ABLIM2: variants seen among roughly 807,000 people sequenced by gnomAD.
ABLIM2 encodes actin binding LIM protein family member 2.
A neutral mutation model predicts 97.7 loss-of-function variants in ABLIM2; 53 were observed. That is an observed-to-expected ratio of 0.54 (90% CI 0.44 to 0.68). ABLIM2 has a LOEUF of 0.68. Among genes scored for constraint, ABLIM2 ranks in the 30% least tolerant of loss-of-function variants. The probability of loss-of-function intolerance (pLI) is 0.00; values close to 1 mark genes in which losing one functional copy is unlikely to be tolerated. For missense variants in ABLIM2, 835 were observed against 867.2 expected, an observed-to-expected ratio of 0.96 and a Z score of 0.47; for synonymous variants, 361 against 345.8, an observed-to-expected ratio of 1.04 and a Z score of -0.49.
rs1450361477 is a variant in ABLIM2 at position 7,970,215 on chromosome 4, A to C, written c.1825-3112T>G. Among the ~76,000 whole-genome samples, 1 of 152,040 alleles carries C rather than the reference A, an allele frequency of 6.6e-6. No homozygotes were observed. ...GAACTGACACGTAAGTAAATATGTAAAGGAGGGGAGGCTGACACCGGAAGG... is the reference window on the plus strand; with the variant it reads ...GAACTGACACGTAAGTAAATATGTACAGGAGGGGAGGCTGACACCGGAAGG... On this transcript the variant is annotated intron_variant, in intron 20 of 20. Transcript: ENST00000447017. The surrounding 1 kb of genome is among the most constrained non-coding windows in gnomAD (Gnocchi z 5.3).
intron 20 of ABLIM2, among the ~76,000 whole-genome samples, chr4:7,967,647 G>A (rs1048151687): frequency 6.6e-6 from 1 of 152,240 alleles, no homozygotes; most frequent in Non-Finnish European, 1.5e-5. Context: ...AAGCGTGAGA[G>A]AGCTGTTGTG....
chr4:8,031,496 A>G (rs1042851829), intron 10 of ABLIM2, among the ~76,000 whole-genome samples: 2 of 152,334 alleles, frequency 1.3e-5, no homozygotes, highest in East Asian at 1.9e-4. Context: ...CCCAGGTACC[A>G]TGGCCGTCAC....
chr4:8,119,373 G>T (rs1186221237), intron 1 of ABLIM2, among the ~76,000 whole-genome samples: 1 of 148,724 alleles, frequency 6.7e-6, no homozygotes, highest in African/African-American at 2.5e-5. Context: ...TGTTGCCCAG[G>T]CTGGAGTGCA....
chr4:8,024,268 C>T (rs1303412525), intron 12 of ABLIM2, among the ~76,000 whole-genome samples: 1 of 152,204 alleles, frequency 6.6e-6, no homozygotes, highest in African/African-American at 2.4e-5. Context: ...CCTGCACTTC[C>T]TGCCCCCGCT....
At chr4:7,980,196 C>T (rs542322829) in intron 20 of ABLIM2, among the ~76,000 whole-genome samples, 1 of 152,114 alleles carries the variant, frequency 6.6e-6, no homozygotes, top group Non-Finnish European at 1.5e-5. Context: ...TAGTTCAGGC[C>T]ATGAAGGGAA....
chr4:8,079,434 G>A (rs948200139), intron 5 of ABLIM2, among the ~76,000 whole-genome samples: 2 of 152,184 alleles, frequency 1.3e-5, no homozygotes, highest in Non-Finnish European at 2.9e-5. Context: ...TTATATTAAA[G>A]TGCTGCGTGC....
rs1824146550 is a variant in ABLIM2 at position 8,087,046 on chromosome 4, C to A, written c.454+1123G>T. On this transcript the variant is annotated intron_variant, in intron 4 of 20. Transcript: ENST00000447017. The surrounding 1 kb of genome is among the most constrained non-coding windows in gnomAD (Gnocchi z 4.6). ...GGGGAGGCTGGAAGTGGAATCGCCT[C>A]TGTAGAGACTCTCAACGCAGCAGAC... Among the ~76,000 whole-genome samples the A allele has an allele frequency of 1.3e-5, 2 of 152,146 alleles. No individual in the cohort carries two copies. The highest frequency in any genetic ancestry group is 2.4e-5 in the African/African-American group (1 of 41,428).
intron 18 of ABLIM2, among the ~76,000 whole-genome samples, chr4:7,983,834 G>C (rs985465921): frequency 6.6e-6 from 1 of 152,242 alleles, no homozygotes; most frequent in African/African-American, 2.4e-5. Context: ...CTGTGATGCT[G>C]TCTCTCTGGT....
intron 20 of ABLIM2, among the ~76,000 whole-genome samples, chr4:7,982,036 C>T (rs910779256): frequency 2.0e-5 from 3 of 152,192 alleles, no homozygotes; most frequent in Admixed American, 6.5e-5. Flanking sequence ...GGCCCCAGCA[C>T]TAGGGTACTG....
chr4:8,002,775 G>A lies in ABLIM2; in HGVS notation c.1618+5284C>T, dbSNP rs1758098092. ...AAACTGCTCTGTGACCTGACGCATGGCCCTCACTGTTCTTCCAACCCACGG... is the reference window on the plus strand; with the variant it reads ...AAACTGCTCTGTGACCTGACGCATGACCCTCACTGTTCTTCCAACCCACGG... On this transcript the variant is annotated intron_variant, in intron 16 of 20. Coordinates refer to ENST00000447017, the MANE Select transcript of ABLIM2 (RefSeq NM_001130083.2). The surrounding 1 kb of genome is among the most constrained non-coding windows in gnomAD (Gnocchi z 6.1). 1.3e-5 allele frequency among the ~76,000 whole-genome samples: 2 copies of A among 152,146 alleles called. No homozygotes were observed. The highest frequency in any genetic ancestry group is 1.3e-4 in the Admixed American group (2 of 15,278).
intron 11 of ABLIM2, among the ~76,000 whole-genome samples, chr4:8,028,085 A>G (rs1778559925): frequency 6.6e-6 from 1 of 152,194 alleles, no homozygotes; most frequent in African/African-American, 2.4e-5. Flanking sequence ...GCTGCATAGG[A>G]GCCTTGGGCT....
chr4:8,016,828 C>G (rs1769663938), intron 14 of ABLIM2, among the ~76,000 whole-genome samples: 1 of 152,208 alleles, frequency 6.6e-6, no homozygotes, highest in African/African-American at 2.4e-5. Context: ...AGCCTCGAGC[C>G]TCTGCCGCCG....
At chr4:8,154,550 G>A (rs548744507) in intron 1 of ABLIM2, among the ~76,000 whole-genome samples, 31 of 152,252 alleles carry the variant, frequency 2.0e-4, no homozygotes, top group African/African-American at 6.3e-4. Flanking sequence ...AAAGTGCTGG[G>A]ATTACAGGCG....
At chr4:7,984,703 C>T in intron 18 of ABLIM2, 136 bp downstream of exon 18, 1 of 919,896 alleles carries the variant, frequency 1.1e-6, no homozygotes, top group Non-Finnish European at 1.6e-6. Context: ...AGCACGCCCT[C>T]CCCCGAGGTG....
chr4:8,126,183 C>T (rs1847824872), intron 1 of ABLIM2, among the ~76,000 whole-genome samples: 1 of 152,128 alleles, frequency 6.6e-6, no homozygotes, highest in South Asian at 2.1e-4. Context: ...GGACAAGAGT[C>T]CCAGTTCCTC....
intron 16 of ABLIM2, among the ~76,000 whole-genome samples, chr4:8,006,611 C>T (rs1355348013): frequency 1.3e-5 from 2 of 152,248 alleles, no homozygotes; most frequent in Non-Finnish European, 2.9e-5. Flanking sequence ...GCATCTGACA[C>T]GTGAGTGCAG....
At chr4:7,967,231 C>T in intron 20 of ABLIM2, 128 bp from the exon 21 acceptor site, 1 of 755,946 alleles carries the variant, frequency 1.3e-6, no homozygotes, top group South Asian at 1.6e-5. Context: ...CCTCAGCGTG[C>T]TCGGCCTCCT....
At position 8,127,239 on chromosome 4, in the gene ABLIM2, C is replaced by G. The variant is rs1848381357; in HGVS notation, c.11-20602G>C. On this transcript the variant is annotated intron_variant, in intron 1 of 20. Transcript: ENST00000447017. The surrounding 1 kb of genome is among the most constrained non-coding windows in gnomAD (Gnocchi z 7.3). ...TGGAGTCCAGACGCAGCTCCGATAC[C>G]AGCACCGTGTGAGGTTGGATCAGAC... Among the ~76,000 whole-genome samples the G allele has an allele frequency of 6.6e-6, 1 of 152,152 alleles. No homozygotes were observed. The highest frequency in any genetic ancestry group is 2.4e-5 in the African/African-American group (1 of 41,444).
chr4:8,059,116 G>A (rs1187637266), intron 7 of ABLIM2, among the ~76,000 whole-genome samples: 1 of 152,010 alleles, frequency 6.6e-6, no homozygotes, highest in African/African-American at 2.4e-5. Context: ...TCCTTAGCAG[G>A]GAGTGCTCAG....
Sources: gnomAD v4.1 joint callset for allele counts (sites outside exome capture counted in the v4.1 genomes callset) on GRCh38, gnomAD v4.1.1 for gene constraint, Gnocchi (gnomAD v3.1) non-coding constraint, MANE v1.5 for transcripts, NCBI Gene and HGNC (gene_info 2026-07-23, HGNC 2026-07-21) for gene names.